PSG5: variants seen among roughly 807,000 people sequenced by gnomAD.
PSG5 encodes the protein pregnancy-specific beta-1-glycoprotein 5.
PSG5 carries 53 observed loss-of-function variants against 37.7 expected under a neutral mutation model. The ratio of observed to expected loss-of-function variants is 1.41; its 90% CI spans 1.13 to 1.77. PSG5 has a LOEUF of 1.77. Ranked by LOEUF, PSG5 falls within the 40% of genes most tolerant of loss-of-function variation. The pLI is 0.00. For missense variants in PSG5, 547 were observed against 405.2 expected (o/e 1.35, Z -3.00); for synonymous variants, 221 against 155.4 (o/e 1.42, Z -3.14).
At chr19:43,179,430 GA>G (rs1969081133) in intron 2 of PSG5, among the ~76,000 whole-genome samples, 1 of 151,634 alleles carries the variant, frequency 6.6e-6, no homozygotes, top group African/African-American at 2.4e-5. Flanking sequence ...AGCAGTCACA[GA>G]CCCGATGCCT....
intron 2 of PSG5, among the ~76,000 whole-genome samples, chr19:43,183,722 T>C (rs1194882784): frequency 6.6e-6 from 1 of 151,250 alleles, no homozygotes. Context: ...TTTGAGCCAA[T>C]AAATGACTAT....
chr19:43,179,220 T>C, intron 2 of PSG5: 2 of 1,483,420 alleles, frequency 1.3e-6, no homozygotes, highest in South Asian at 2.5e-5. Context: ...AAAGGCACTT[T>C]TCAATCAGAG....
chr19:43,182,771 G>A (rs1969156877), intron 2 of PSG5, among the ~76,000 whole-genome samples: 1 of 141,508 alleles, frequency 7.1e-6, no homozygotes, highest in South Asian at 2.3e-4. Flanking sequence ...ATGGATGGAG[G>A]AACTGCCTAT....
rs10411871 is a variant in PSG5 at position 43,173,616 on chromosome 19, G to A, written c.964+1599C>T. ...CCCATGCAAAGTTCCTCAGCATCAC[G>A]AATACTTAGAGATATGCAAATCAAA... On this transcript the variant is annotated intron_variant, in intron 4 of 5. Coordinates refer to ENST00000342951, the MANE Select transcript of PSG5 (RefSeq NM_002781.4). Among the ~76,000 whole-genome samples, 943 of 151,612 alleles carry A rather than the reference G, an allele frequency of 6.2e-3. 26 individuals carry two copies. The highest frequency in any genetic ancestry group is 0.022 in the African/African-American group (887 of 41,216).
chr19:43,168,864 AT>A (rs1358397866), intron 5 of PSG5, among the ~76,000 whole-genome samples: 7 of 151,542 alleles, frequency 4.6e-5, no homozygotes, highest in African/African-American at 1.7e-4. Context: ...CCAAAAATGT[AT>A]AGTCTTATGT....
At chr19:43,169,240 T>C (rs1281193985) in intron 5 of PSG5, among the ~76,000 whole-genome samples, 3 of 151,700 alleles carry the variant, frequency 2.0e-5, no homozygotes, top group African/African-American at 4.9e-5. Flanking sequence ...CCTTGCCTTC[T>C]TCATTTCTGT....
chr19:43,174,469 A>T (rs1968963496), intron 4 of PSG5: 21 of 770,234 alleles, frequency 2.7e-5, no homozygotes, highest in Non-Finnish European at 3.0e-5. Context: ...GCTCTGCATC[A>T]GTCACTATCC....
intron 5 of PSG5, among the ~76,000 whole-genome samples, chr19:43,169,530 A>G (rs1326176013): frequency 6.6e-6 from 1 of 151,662 alleles, no homozygotes; most frequent in Non-Finnish European, 1.5e-5. Context: ...AAGGAATTAT[A>G]CTAGGAAGTA....
In PSG5 at chr19:43,169,961, TG is replaced by T; in HGVS notation, c.*40+93del. The T allele has an allele frequency of 8.1e-6, 6 of 739,280 alleles. No homozygotes were observed. In the South Asian group the frequency reaches 8.3e-5, roughly 10 times the overall value. 45.8% of individuals were successfully genotyped at this position (739,280 alleles called of 1,614,324 possible). ...GGAGTTTAGTGGAGGAAGGAGGAGA[TG>T]CAGTCCCAGATACAAGCAAATAAGT... is the stretch of plus-strand genomic sequence containing the variant. On this transcript the variant is annotated intron_variant, in intron 5 of 5. Transcript: ENST00000342951.
rs1037407071 is a variant in PSG5, at chr19:43,168,112, G to C, written c.*132C>G. ...CAGGAACTTGTATTCAAGAGTCCTTGTCAGAGTCTTTTCCATAAATCTCCT... is the reference window on the plus strand; with the variant it reads ...CAGGAACTTGTATTCAAGAGTCCTTCTCAGAGTCTTTTCCATAAATCTCCT... On this transcript the variant is annotated 3_prime_UTR_variant, in exon 6 of 6. Coordinates refer to ENST00000342951, the MANE Select transcript of PSG5 (RefSeq NM_002781.4). 1 of 446,836 alleles carries C rather than the reference G, an allele frequency of 2.2e-6. No individual in the cohort carries two copies. Among genetic ancestry groups the C allele is most frequent in the African/African-American group, 2.0e-5 (1 of 48,800 alleles). 27.7% of individuals were successfully genotyped at this position (446,836 alleles called of 1,614,324 possible).
At position 43,177,149 on chromosome 19, in the gene PSG5, A is replaced by C. The variant is rs1969028879; in HGVS notation, c.431-1001T>G. On this transcript the variant is annotated intron_variant, in intron 2 of 5. Coordinates refer to ENST00000342951, the MANE Select transcript of PSG5 (RefSeq NM_002781.4). ...TACTCTAGGGACCTCATGTAAGTGG[A>C]TTCCAGAGTGAATATGAGAAGAGAC... is the stretch of plus-strand genomic sequence containing the variant. Among the ~76,000 whole-genome samples the C allele has an allele frequency of 2.0e-5, 3 of 151,550 alleles. No individual in the cohort carries two copies. The South Asian group carries it at 6.2e-4, about 31-fold the overall frequency.
intron 1 of PSG5, among the ~76,000 whole-genome samples, chr19:43,185,353 C>T (rs1966911169): frequency 6.6e-6 from 1 of 150,922 alleles, no homozygotes; most frequent in Non-Finnish European, 1.5e-5. Flanking sequence ...AGGTCAGCAG[C>T]GTGACCCCTA....
rs368309622 is a variant in PSG5 at position 43,173,648 on chromosome 19, A to G, written c.964+1567T>C. ...TAGAGATATGCAAATCAAAACCACAATGTTACACCACCTCACACACTTTAG... is the reference window on the plus strand; with the variant it reads ...TAGAGATATGCAAATCAAAACCACAGTGTTACACCACCTCACACACTTTAG... On this transcript the variant is annotated intron_variant, in intron 4 of 5. Transcript: ENST00000342951. 7.1e-4 allele frequency among the ~76,000 whole-genome samples: 107 copies of G among 151,702 alleles called. 5 individuals carry two copies. In the South Asian group the frequency reaches 0.021, roughly 29 times the overall value.
At chr19:43,184,077 C>G (rs1969190303) in intron 2 of PSG5, among the ~76,000 whole-genome samples, 3 of 151,716 alleles carry the variant, frequency 2.0e-5, no homozygotes, top group African/African-American at 7.3e-5. Context: ...GGTACATCTT[C>G]TCCCTTCTGT....
At chr19:43,179,009 C>A (rs992180280) in intron 2 of PSG5, 4 of 1,612,638 alleles carry the variant, frequency 2.5e-6, no homozygotes, top group South Asian at 2.2e-5. Context: ...TGGACAGCTG[C>A]AACCTGTGAG....
intron 4 of PSG5, among the ~76,000 whole-genome samples, chr19:43,171,983 CAAAAA>C (rs60198220): frequency 9.5e-6 from 1 of 105,140 alleles, no homozygotes; most frequent in African/African-American, 3.6e-5. Flanking sequence ...TCCCTCTCTT[CAAAAA>C]AAAAAAAAAA....
In PSG5 at chr19:43,175,866, T is replaced by A. The variant is rs776242300; in HGVS notation, c.709+4A>T. 1.2e-6 allele frequency: 2 copies of A among 1,612,014 alleles called. No individual in the cohort carries two copies. Among genetic ancestry groups the A allele is most frequent in the African/African-American group, 2.7e-5 (2 of 74,400 alleles). On this transcript the variant is annotated splice_donor_region_variant and intron_variant, in intron 3 of 5. Transcript: ENST00000342951. The stretch of plus-strand genomic sequence containing the variant: ...TGGCCCACAGAGGAACAAAAGATAC[T>A]CACAGAGGACATTCAGGGTGACTGG...
intron 2 of PSG5, among the ~76,000 whole-genome samples, chr19:43,184,451 G>A (rs1476786740): frequency 6.6e-6 from 1 of 151,636 alleles, no homozygotes; most frequent in Non-Finnish European, 1.5e-5. Context: ...TCAGGCCAAA[G>A]CCCTACTCAG....
intron 2 of PSG5, chr19:43,179,068 A>G: frequency 1.9e-6 from 3 of 1,612,384 alleles, no homozygotes; most frequent in Non-Finnish European, 2.5e-6. Flanking sequence ...CTTGTGTCTG[A>G]AGCCGCAGGA....
Sources: gnomAD v4.1 joint callset for allele counts (sites outside exome capture counted in the v4.1 genomes callset) on GRCh38, gnomAD v4.1.1 for gene constraint, MANE v1.5 for transcripts, NCBI Gene and HGNC (gene_info 2026-07-23, HGNC 2026-07-21) for gene names.